The following PTPRK variants were observed in gnomAD, a reference collection of about 807,000 sequenced individuals.
The protein encoded by PTPRK is protein tyrosine phosphatase receptor type K.
A neutral mutation model predicts 178.0 loss-of-function variants in PTPRK; 75 were observed. The ratio of observed to expected loss-of-function variants is 0.42; its 90% CI spans 0.35 to 0.51. The LOEUF is 0.51. PTPRK is among the 20% of genes least tolerant of loss of function. The probability of loss-of-function intolerance (pLI) is 0.02; values close to 1 mark genes in which losing one functional copy is unlikely to be tolerated. For missense variants in PTPRK, 1,441 were observed against 1,797.8 expected, an observed-to-expected ratio of 0.80 and a Z score of 3.59; for synonymous variants, 637 against 620.6, an observed-to-expected ratio of 1.03 and a Z score of -0.39.
chr6:128,122,004 T>C (rs1330865871), intron 7 of PTPRK, among the ~76,000 whole-genome samples: 1 of 152,160 alleles, frequency 6.6e-6, no homozygotes, highest in Non-Finnish European at 1.5e-5. Context: ...GTAAGGTAAT[T>C]ATATCTACCA....
intron 3 of PTPRK, among the ~76,000 whole-genome samples, chr6:128,243,327 G>A (rs1004040579): frequency 6.6e-6 from 1 of 151,540 alleles, no homozygotes; most frequent in Non-Finnish European, 1.5e-5. Flanking sequence ...TGTAGTTATA[G>A]TCAATAGCAA....
intron 1 of PTPRK, chr6:128,491,743 C>T (rs764146421): frequency 1.9e-5 from 10 of 517,304 alleles, no homozygotes; most frequent in Admixed American, 3.9e-5. Context: ...TTTTCAATCG[C>T]CCTTCATGAT....
intron 1 of PTPRK, among the ~76,000 whole-genome samples, chr6:128,436,076 T>C (rs1414378875): frequency 6.6e-6 from 1 of 151,762 alleles, no homozygotes; most frequent in African/African-American, 2.4e-5. Context: ...ACAAAAGATA[T>C]GAAAAAAATC....
intron 13 of PTPRK, among the ~76,000 whole-genome samples, chr6:128,055,063 C>G (rs2114890186): frequency 6.6e-6 from 1 of 152,192 alleles, no homozygotes; most frequent in African/African-American, 2.4e-5. Context: ...TAAAAAAATC[C>G]TATCACATCC....
chr6:128,084,349 T>TA, intron 8 of PTPRK, among the ~76,000 whole-genome samples: 1 of 152,308 alleles, frequency 6.6e-6, no homozygotes, highest in East Asian at 1.9e-4. Flanking sequence ...ACCTTACTTT[T>TA]ATAGCTATAT....
chr6:128,403,307 T>G (rs1841256927), intron 1 of PTPRK, among the ~76,000 whole-genome samples: 1 of 152,208 alleles, frequency 6.6e-6, no homozygotes, highest in Non-Finnish European at 1.5e-5. Flanking sequence ...CCCCTTCATC[T>G]TTACAGAGAA....
intron 13 of PTPRK, among the ~76,000 whole-genome samples, chr6:128,057,113 TTCTC>T (rs1480745439): frequency 5.3e-5 from 8 of 152,200 alleles, no homozygotes; most frequent in Non-Finnish European, 7.3e-5. Context: ...TCCCTCAGAT[TTCTC>T]TCTTAGTGTC....
chr6:128,241,163 A>G (rs866662055), intron 4 of PTPRK: 13 of 491,738 alleles, frequency 2.6e-5, no homozygotes, highest in Non-Finnish European at 5.0e-5. Flanking sequence ...GAATTTACCA[A>G]CCACCACGTG....
chr6:128,293,972 G>A (rs1024789433), intron 3 of PTPRK, among the ~76,000 whole-genome samples: 1 of 152,088 alleles, frequency 6.6e-6, no homozygotes, highest in Non-Finnish European at 1.5e-5. Context: ...AAACATGCTT[G>A]ATATCCCTGT....
intron 7 of PTPRK, among the ~76,000 whole-genome samples, chr6:128,174,703 G>C (rs536015851): frequency 3.9e-5 from 6 of 151,986 alleles, no homozygotes; most frequent in Middle Eastern, 3.4e-3. Context: ...AGATGAAGAA[G>C]TGAAACATTA....
At chr6:128,088,318 C>A (rs1786324123) in intron 8 of PTPRK, among the ~76,000 whole-genome samples, 1 of 150,136 alleles carries the variant, frequency 6.7e-6, no homozygotes, top group South Asian at 2.1e-4. Context: ...GTGGAGGCTG[C>A]AGTGAGCCGA....
chr6:128,087,355 G>A (rs1786064719), intron 8 of PTPRK, among the ~76,000 whole-genome samples: 1 of 151,916 alleles, frequency 6.6e-6, no homozygotes, highest in African/African-American at 2.4e-5. Flanking sequence ...TAAAACATGT[G>A]AATATACTTT....
intron 1 of PTPRK, among the ~76,000 whole-genome samples, chr6:128,446,848 T>G (rs1487734143): frequency 6.6e-6 from 1 of 152,188 alleles, no homozygotes; most frequent in Non-Finnish European, 1.5e-5. Flanking sequence ...TTCTAACAAC[T>G]GCAATCTTGT....
intron 7 of PTPRK, among the ~76,000 whole-genome samples, chr6:128,102,374 A>G (rs1310777088): frequency 6.6e-6 from 1 of 152,228 alleles, no homozygotes; most frequent in African/African-American, 2.4e-5. Context: ...TAATAAAGTC[A>G]AAGCACTGTT....
At chr6:128,512,047 T>C (rs2128443651) in intron 1 of PTPRK, among the ~76,000 whole-genome samples, 1 of 152,242 alleles carries the variant, frequency 6.6e-6, no homozygotes, top group Middle Eastern at 3.4e-3. Context: ...AAAGCAGTAC[T>C]AGTAAAAAAG....
intron 1 of PTPRK, among the ~76,000 whole-genome samples, chr6:128,417,663 T>C (rs2128384115): frequency 6.6e-6 from 1 of 152,324 alleles, no homozygotes; most frequent in East Asian, 1.9e-4. Context: ...GGCCTTCCAT[T>C]TTGATTTGCT....
intron 3 of PTPRK, among the ~76,000 whole-genome samples, chr6:128,301,822 C>T (rs1157425532): frequency 2.0e-5 from 3 of 152,102 alleles, no homozygotes; most frequent in African/African-American, 7.2e-5. Context: ...TTCTTCCAAG[C>T]TGGAAGGCTA....
At chr6:127,980,775 T>C (rs1266945229) in intron 25 of PTPRK, among the ~76,000 whole-genome samples, 1 of 152,188 alleles carries the variant, frequency 6.6e-6, no homozygotes, top group African/African-American at 2.4e-5. Flanking sequence ...CATTCTGTGA[T>C]TTAAAAAATT....
intron 3 of PTPRK, among the ~76,000 whole-genome samples, chr6:128,310,887 G>T (rs1447337117): frequency 6.6e-6 from 1 of 152,088 alleles, no homozygotes; most frequent in Non-Finnish European, 1.5e-5. Flanking sequence ...GAACCACTTG[G>T]TACTTAAAGC....
Sources: gnomAD v4.1 joint callset for allele counts (sites outside exome capture counted in the v4.1 genomes callset) on GRCh38, gnomAD v4.1.1 for gene constraint, MANE v1.5 for transcripts, NCBI Gene and HGNC (gene_info 2026-07-23, HGNC 2026-07-21) for gene names.